The following BMPR2 variants were observed in gnomAD, a reference collection of about 807,000 sequenced individuals.
The protein encoded by BMPR2 is bone morphogenetic protein receptor type-2.
Under a neutral mutation model 100.8 loss-of-function variants are expected in BMPR2, and 29 were observed. The ratio of observed to expected loss-of-function variants is 0.29; its 90% confidence interval spans 0.21 to 0.39. The LOEUF is 0.39. Among genes scored for constraint, BMPR2 ranks in the 10% least tolerant of loss-of-function variants. The pLI, the probability that BMPR2 is intolerant of heterozygous loss-of-function variation, is 1.00. For synonymous variants in BMPR2, 382 were observed against 442.3 expected (o/e 0.86, Z 1.71); for missense variants, 1,011 against 1,274.5 (o/e 0.79, Z 3.15).
rs187348651 is a variant in BMPR2 at position 202,483,480 on chromosome 2, G to A, written c.418+15791G>A. On this transcript the variant is annotated intron_variant, in intron 3 of 12. Transcript: ENST00000374580. ...CACTGCAATCTCCGCCCCCCACCCC[G>A]CCTACCCGCCCAGGTTCAAGCCATT... is the stretch of plus-strand genomic sequence containing the variant. Among the ~76,000 whole-genome samples the A allele has an allele frequency of 1.4e-3, 197 of 141,618 alleles. 2 individuals are homozygous for A. Among genetic ancestry groups the A allele is most frequent in the Admixed American group, 2.1e-3 (30 of 14,330 alleles). 92.9% of individuals were successfully genotyped at this position (141,618 alleles called of 152,430 possible).
chr2:202,510,636 G>T (rs1302409537), intron 3 of BMPR2, among the ~76,000 whole-genome samples: 1 of 151,876 alleles, frequency 6.6e-6, no homozygotes, highest in Non-Finnish European at 1.5e-5. Context: ...TATCTTTTAG[G>T]TTTAGCAAAT....
chr2:202,479,403 C>T (rs950467118), intron 3 of BMPR2, among the ~76,000 whole-genome samples: 1 of 151,166 alleles, frequency 6.6e-6, no homozygotes, highest in African/African-American at 2.5e-5. Context: ...CCTGGCAGAG[C>T]ACTTATATAA....
At position 202,555,639 on chromosome 2, in the gene BMPR2, G is replaced by C. The variant is rs772496005; in HGVS notation, c.1974G>C (p.Leu658=). 1 of 1,614,088 alleles carries C rather than the reference G, an allele frequency of 6.2e-7. No homozygotes were observed. The highest frequency in any genetic ancestry group is 1.7e-5 in the Admixed American group (1 of 60,018). Residue 658 remains leucine (L), a synonymous_variant, in exon 12 of 13, where the codon CTG becomes CTC. Transcript: ENST00000374580. ...SIGPTPVCLQ[L]TEEDLETNKL... is the part of the protein sequence containing the mutation. ...GGCCAACCCCTGTCTGCTTACAGCT[G>C]ACAGAAGAAGACTTGGAAACCAACA... is the stretch of plus-strand genomic sequence containing the variant.
intron 1 of BMPR2, among the ~76,000 whole-genome samples, chr2:202,416,427 ATTT>A (rs57196325): frequency 2.2e-5 from 3 of 137,004 alleles, no homozygotes; most frequent in African/African-American, 5.5e-5. Context: ...CACCTGGATA[ATTT>A]TTTTTTTTTT....
At chr2:202,391,919 G>C (rs766129708) in intron 1 of BMPR2, among the ~76,000 whole-genome samples, 1 of 150,804 alleles carries the variant, frequency 6.6e-6, no homozygotes, top group African/African-American at 2.4e-5. Flanking sequence ...GCGCCACCAC[G>C]CCCAGCTAAT....
rs1338751399 is a variant in BMPR2 at position 202,430,898 on chromosome 2, G to T, written c.77-33911G>T. 2.0e-5 allele frequency among the ~76,000 whole-genome samples: 3 copies of T among 149,444 alleles called. No individual in the cohort carries two copies. The East Asian group carries it at 5.8e-4, about 29-fold the overall frequency. On this transcript the variant is annotated intron_variant, in intron 1 of 12. Coordinates refer to ENST00000374580, the MANE Select transcript of BMPR2 (RefSeq NM_001204.7). ...TGCTTGAACCCGGGAGGCGGAGGTT[G>T]CAGTGAGCTGAGATCACGCCATTGC...
intron 1 of BMPR2, among the ~76,000 whole-genome samples, chr2:202,442,317 C>T (rs1211318198): frequency 2.0e-5 from 3 of 150,526 alleles, no homozygotes; most frequent in Non-Finnish European, 4.4e-5. Flanking sequence ...CTTTCTGTTT[C>T]AGTATCTTCA....
intron 9 of BMPR2, among the ~76,000 whole-genome samples, chr2:202,541,572 C>T (rs1487252416): frequency 6.6e-6 from 1 of 152,220 alleles, no homozygotes. Flanking sequence ...AACCCACCCA[C>T]TTACATTTGG....
At position 202,565,466 on chromosome 2, in the gene BMPR2, G is replaced by A. The variant is rs1274753295; in HGVS notation, c.*5520G>A. On this transcript the variant is annotated 3_prime_UTR_variant, in exon 13 of 13. Coordinates refer to ENST00000374580, the MANE Select transcript of BMPR2 (RefSeq NM_001204.7). Reference sequence around the variant, plus strand: ...TATTTGAAAGTGGATTCAACCATCAGACCACCAGCAAATCGGCACTTAATT... The same window carrying A: ...TATTTGAAAGTGGATTCAACCATCAAACCACCAGCAAATCGGCACTTAATT... 6.6e-6 allele frequency: 1 copy of A among 152,548 alleles called. No homozygotes were observed. Among genetic ancestry groups the A allele is most frequent in the Non-Finnish European group, 1.5e-5 (1 of 68,024 alleles). The allele number at this position is 152,548 out of a possible 1,614,324, so 9.4% of individuals were successfully genotyped here. A position where few individuals can be genotyped will look rare whatever the true frequency, so the allele number is the denominator to read the frequency against.
chr2:202,537,180 G>A (rs1688177624), intron 9 of BMPR2, among the ~76,000 whole-genome samples: 1 of 152,260 alleles, frequency 6.6e-6, no homozygotes, highest in East Asian at 1.9e-4. Context: ...GCAGGCATGA[G>A]CCACCACACC....
intron 7 of BMPR2, among the ~76,000 whole-genome samples, chr2:202,522,171 A>G (rs1207518964): frequency 6.6e-6 from 1 of 151,534 alleles, no homozygotes; most frequent in Non-Finnish European, 1.5e-5. Flanking sequence ...AAAAACAAAA[A>G]AACGAAAGAA....
intron 1 of BMPR2, among the ~76,000 whole-genome samples, chr2:202,463,678 T>C (rs1692265217): frequency 6.6e-6 from 1 of 152,226 alleles, no homozygotes; most frequent in Non-Finnish European, 1.5e-5. Flanking sequence ...ACTTTAGTAT[T>C]CTCAGCAATG....
chr2:202,530,797 A>G lies in BMPR2; in HGVS notation c.971A>G (p.His324Arg), dbSNP rs746072279. 3 of 1,610,384 alleles carry G rather than the reference A, an allele frequency of 1.9e-6. No homozygotes were observed. Among genetic ancestry groups the G allele is most frequent in the African/African-American group, 2.7e-5 (2 of 74,842 alleles). ...YLHTELPRGDHYKPAISHRDL... is the reference protein window; with the variant it reads ...YLHTELPRGDRYKPAISHRDL... ...ATATTTGAAATTATCCAAACAGATCATTATAAACCTGCAATTTCCCATCGA... is the reference window on the plus strand; with the variant it reads ...ATATTTGAAATTATCCAAACAGATCGTTATAAACCTGCAATTTCCCATCGA... Residue 324 changes from histidine to arginine, a missense_variant, in exon 8 of 13, where the codon CAT becomes CGT. Around this residue, in one of 6 missense-constraint regions of BMPR2, gnomAD observed 355 missense variants for 455.3 expected, o/e 0.78. Transcript: ENST00000374580.
rs139562415 is a variant in BMPR2 at position 202,553,803 on chromosome 2, C to T, written c.1586+915C>T. Among the ~76,000 whole-genome samples, 912 of 152,252 alleles carry T rather than the reference C, an allele frequency of 6.0e-3. 16 individuals are homozygous for T. The highest frequency in any genetic ancestry group is 0.021 in the African/African-American group (868 of 41,536). On this transcript the variant is annotated intron_variant, in intron 11 of 12. Transcript: ENST00000374580. Reference sequence around the variant, plus strand: ...TCCCAGGTTTAAGCGATTCTCCTGCCTCGGCCTCCCGAGTAGCTGAGATTA... The same window carrying T: ...TCCCAGGTTTAAGCGATTCTCCTGCTTCGGCCTCCCGAGTAGCTGAGATTA...
chr2:202,477,106 A>G (rs1376847402), intron 3 of BMPR2, among the ~76,000 whole-genome samples: 1 of 152,246 alleles, frequency 6.6e-6, no homozygotes, highest in African/African-American at 2.4e-5. Flanking sequence ...AACCTTGAGC[A>G]GATTATTTAG....
rs893753866 is a variant in BMPR2, at chr2:202,559,906, C to T, written c.3077C>T (p.Thr1026Ile). The change falls in exon 13 of 13, where the codon ACA becomes ATA. Residue 1026 changes from threonine (T) to isoleucine (I), a missense_variant. This residue lies in a region of BMPR2 where 58 missense variants were observed against 72.3 expected (regional missense o/e 0.80). Transcript: ENST00000374580. ...TACCTTGCAGAAGGAGGCACTGCTA[C>T]AACCATGGTGTCTAAAGATATAGGA... ...AVYLAEGGTATTMVSKDIGMN... is the reference protein window; with the variant it reads ...AVYLAEGGTAITMVSKDIGMN... The T allele has an allele frequency of 6.2e-7, 1 of 1,613,958 alleles. No homozygotes were observed. The highest frequency in any genetic ancestry group is 8.5e-7 in the Non-Finnish European group (1 of 1,180,024).
rs1215903739 is a variant in BMPR2 at position 202,481,170 on chromosome 2, TC to T, written c.418+13482del. 3.3e-3 allele frequency among the ~76,000 whole-genome samples: 482 copies of T among 147,546 alleles called. 2 individuals carry two copies. Among genetic ancestry groups the T allele is most frequent in the African/African-American group, 0.012 (467 of 37,904 alleles). On this transcript the variant is annotated intron_variant, in intron 3 of 12. Transcript: ENST00000374580. ...TCTTCTTTTTCTTTCTCTTCTCTTT[TC>T]TCTTCTCTTCTCTTCTCTTCTCTTG...
chr2:202,405,287 T>A (rs983943342), intron 1 of BMPR2, among the ~76,000 whole-genome samples: 2 of 152,200 alleles, frequency 1.3e-5, no homozygotes, highest in African/African-American at 4.8e-5. Context: ...ATCTTATTTT[T>A]ATTCATTCTG....
intron 1 of BMPR2, among the ~76,000 whole-genome samples, chr2:202,455,132 G>C (rs1280133004): frequency 6.6e-6 from 1 of 152,108 alleles, no homozygotes; most frequent in Non-Finnish European, 1.5e-5. Flanking sequence ...GAATTTGAGG[G>C]GGACACAATT....
Sources: allele counts gnomAD v4.1 joint callset (sites outside exome capture counted in the v4.1 genomes callset), GRCh38; gene constraint gnomAD v4.1.1; regional missense constraint gnomAD v4.1.1; transcripts MANE v1.5; gene names NCBI Gene and HGNC (gene_info 2026-07-23, HGNC 2026-07-21).